Variants in TTI1 observed in about 807,000 individuals in gnomAD.
TTI1 encodes the protein TELO2-interacting protein 1 homolog.
In TTI1, 52 loss-of-function variants were observed where a neutral mutation model predicts 85.4. The observed-to-expected ratio is 0.61, with a 90% CI of 0.49 to 0.77. The LOEUF is 0.77. Ranked by LOEUF, TTI1 falls within the 30% of genes least tolerant of loss-of-function variation. The pLI, the probability that TTI1 is intolerant of heterozygous loss-of-function variation, is 0.00. For synonymous variants in TTI1, 512 were observed against 503.9 expected, an observed-to-expected ratio of 1.02 and a Z score of -0.22; for missense variants, 1,173 against 1,296.0, an observed-to-expected ratio of 0.91 and a Z score of 1.46.
Position 38,003,624 on chromosome 20 carries a change from C to T in TTI1, c.2504-848G>A, listed in dbSNP as rs563913190. ...AAAATTAGCCGGGCATAGTGGCGGG[C>T]GCCTGTAATCTTAACTACTTGGGAG... On this transcript the variant is annotated intron_variant, in intron 3 of 7. Coordinates refer to ENST00000373447, the MANE Select transcript of TTI1 (RefSeq NM_001303457.2). 2.0e-5 allele frequency among the ~76,000 whole-genome samples: 3 copies of T among 151,834 alleles called. No homozygotes were observed. In the South Asian group the frequency reaches 6.2e-4, roughly 32 times the overall value.
intron 1 of TTI1, among the ~76,000 whole-genome samples, chr20:38,017,474 G>C (rs377600195): frequency 2.6e-5 from 4 of 151,808 alleles, no homozygotes; most frequent in African/African-American, 7.3e-5. Context: ...AGCCTTTGGT[G>C]CATGTGTTGA....
intron 2 of TTI1, 38 bp from the exon 3 acceptor site, chr20:38,006,435 A>G: frequency 6.2e-7 from 1 of 1,608,914 alleles, no homozygotes; most frequent in Non-Finnish European, 8.5e-7. Context: ...CTTGGCTATT[A>G]ACAACAGGCA....
chr20:38,020,323 A>AAAAATATATATATATATATAT, intron 1 of TTI1, among the ~76,000 whole-genome samples: 10 of 50,370 alleles, frequency 2.0e-4, no homozygotes, highest in South Asian at 9.2e-4. Context: ...AAAAAAAAAA[A>AAAAATATATATATATATATAT]ATATATATAT....
rs982387609 is a variant in TTI1, at chr20:38,006,397, G to A, written c.2303C>T (p.Ala768Val). The A allele has an allele frequency of 1.9e-6, 3 of 1,614,068 alleles. No homozygotes were observed. Among genetic ancestry groups the A allele is most frequent in the East Asian group, 2.2e-5 (1 of 44,880 alleles). Residue 768 changes from alanine to valine, a missense_variant and splice_region_variant, in exon 3 of 8, where the codon GCC (alanine) becomes GTC (valine). Transcript: ENST00000373447. Reference protein sequence around the residue: ...SVLHALMAALAQWFPDTGNLG... With the variant: ...SVLHALMAALVQWFPDTGNLG... ...ATTACCTGTGTCTGGGAACCACTGGGCTGTAAATAAAGTGTTACAATGATC... is the reference window on the plus strand; with the variant it reads ...ATTACCTGTGTCTGGGAACCACTGGACTGTAAATAAAGTGTTACAATGATC...
intron 1 of TTI1, among the ~76,000 whole-genome samples, chr20:38,027,711 C>T (rs368166872): frequency 1.4e-4 from 21 of 152,164 alleles, no homozygotes; most frequent in Admixed American, 3.3e-4. Context: ...GATCACCCGA[C>T]GTCAGGAGTT....
At chr20:38,014,575 T>C (rs2073653844) in intron 1 of TTI1, among the ~76,000 whole-genome samples, 1 of 152,082 alleles carries the variant, frequency 6.6e-6, no homozygotes, top group Admixed American at 6.6e-5. Context: ...TGGGTGAGAC[T>C]GACAGCAACA....
intron 2 of TTI1, among the ~76,000 whole-genome samples, chr20:38,010,107 T>C (rs77067166): frequency 0.027 from 4,102 of 152,322 alleles, 165 homozygotes; most frequent in African/African-American, 0.09. Context: ...GTCTGACATA[T>C]GGCAGGCACT....
intron 1 of TTI1, among the ~76,000 whole-genome samples, chr20:38,019,312 T>C (rs1021753186): frequency 5.9e-5 from 9 of 151,966 alleles, no homozygotes; most frequent in Non-Finnish European, 1.2e-4. Context: ...AATAGGTAAA[T>C]ATAAAAAAAT....
chr20:37,992,280 CTTCT>C lies in TTI1; in HGVS notation c.3086+4091_3086+4094del, dbSNP rs1433590059. On this transcript the variant is annotated intron_variant, in intron 7 of 7. Coordinates refer to ENST00000373447, the MANE Select transcript of TTI1 (RefSeq NM_001303457.2). ...ACTTGTTGGGCACTGACTTCATCTT[CTTCT>C]TTTTTTTTTGAAACAGGGTCTCACT... is the stretch of plus-strand genomic sequence containing the variant. Among the ~76,000 whole-genome samples the C allele has an allele frequency of 3.3e-5, 5 of 152,032 alleles. No homozygotes were observed. The East Asian group carries it at 9.7e-4, about 30-fold the overall frequency.
At chr20:38,030,831 GAC>G (rs2122662449) in intron 1 of TTI1, among the ~76,000 whole-genome samples, 1 of 152,190 alleles carries the variant, frequency 6.6e-6, no homozygotes, top group South Asian at 2.1e-4. Flanking sequence ...CTGCCCCTTA[GAC>G]ATCTATACTC....
Position 37,983,120 on chromosome 20 carries a change from T to A in TTI1, c.*336A>T. On this transcript the variant is annotated 3_prime_UTR_variant, in exon 8 of 8. Transcript: ENST00000373447. ...ATCTCATTATTTGAAGACAGGGAGG[T>A]GTATGCAGATGGAGGGGAACTGACC... The A allele has an allele frequency of 5.4e-6, 1 of 186,162 alleles. No homozygotes were observed. Among genetic ancestry groups the A allele is most frequent in the Non-Finnish European group, 1.1e-5 (1 of 89,344 alleles). 11.5% of individuals were successfully genotyped at this position (186,162 alleles called of 1,614,324 possible).
intron 1 of TTI1, among the ~76,000 whole-genome samples, chr20:38,031,683 G>A (rs1249110955): frequency 1.3e-5 from 2 of 152,218 alleles, no homozygotes; most frequent in Non-Finnish European, 2.9e-5. Flanking sequence ...GGACATAGGT[G>A]CTGAAAAATT....
chr20:38,030,626 G>T (rs1600662962), intron 1 of TTI1, among the ~76,000 whole-genome samples: 3 of 151,788 alleles, frequency 2.0e-5, no homozygotes, highest in Non-Finnish European at 4.4e-5. Flanking sequence ...ATCAATTAGA[G>T]TTGTTAATAC....
At chr20:38,014,273 G>A (rs1389665891) in intron 1 of TTI1, among the ~76,000 whole-genome samples, 2 of 152,148 alleles carry the variant, frequency 1.3e-5, no homozygotes, top group Non-Finnish European at 2.9e-5. Flanking sequence ...ATAGTAAAAT[G>A]CACTATCTTA....
At chr20:38,025,386 T>C (rs575177971) in intron 1 of TTI1, among the ~76,000 whole-genome samples, 2 of 152,016 alleles carry the variant, frequency 1.3e-5, no homozygotes, top group Non-Finnish European at 2.9e-5. Context: ...CTGGCCAACA[T>C]GGTGAAACCG....
At chr20:37,986,222 T>G (rs1040720032) in intron 7 of TTI1, among the ~76,000 whole-genome samples, 1 of 152,220 alleles carries the variant, frequency 6.6e-6, no homozygotes, top group African/African-American at 2.4e-5. Context: ...TCAAGGAATA[T>G]TTTTATCTGG....
At chr20:38,030,561 A>ACACACACACACACACACACACC (rs1491234009) in intron 1 of TTI1, among the ~76,000 whole-genome samples, 1 of 151,438 alleles carries the variant, frequency 6.6e-6, no homozygotes, top group African/African-American at 2.4e-5. Context: ...ACACACACAC[A>ACACACACACACACACACACACC]CCATGATAAA....
rs772839935 is a variant in TTI1, at chr20:38,020,310, G to GAAAAAAAAA, written c.-41-6462_-41-6454dup. ...TGCTATGTCACTTGGCTACTCATAT[G>GAAAAAAAAA]AAAAAAAAAAAAAATATATATATAT... On this transcript the variant is annotated intron_variant, in intron 1 of 7. Transcript: ENST00000373447. Among the ~76,000 whole-genome samples the GAAAAAAAAA allele has an allele frequency of 3.7e-4, 18 of 48,274 alleles. 1 individual carries two copies. In the East Asian group the frequency reaches 6.8e-3, roughly 18 times the overall value. 31.7% of individuals were successfully genotyped at this position (48,274 alleles called of 152,430 possible). A position where few individuals can be genotyped will look rare whatever the true frequency, so the allele number is the denominator to read the frequency against.
chr20:38,020,321 A>ATATATATATATATATATATAT (rs1443587921), intron 1 of TTI1, among the ~76,000 whole-genome samples: 44 of 42,646 alleles, frequency 1.0e-3, no homozygotes, highest in South Asian at 2.8e-3. Context: ...AAAAAAAAAA[A>ATATATATATATATATATATAT]AAATATATAT....
Sources: gnomAD v4.1 joint callset for allele counts (sites outside exome capture counted in the v4.1 genomes callset) on GRCh38, gnomAD v4.1.1 for gene constraint, MANE v1.5 for transcripts, NCBI Gene and HGNC (gene_info 2026-07-23, HGNC 2026-07-21) for gene names.